ARMC2: variants seen among roughly 807,000 people sequenced by gnomAD.
ARMC2 encodes armadillo repeat containing 2.
ARMC2 carries 67 observed loss-of-function variants against 90.3 expected under a neutral mutation model. The ratio of observed to expected loss-of-function variants is 0.74; its 90% CI spans 0.61 to 0.91. The LOEUF is 0.91. ARMC2 is among the 40% of genes least tolerant of loss of function. ARMC2 has a pLI of 0.00. For synonymous variants in ARMC2, 393 were observed against 393.0 expected, an observed-to-expected ratio of 1.00 and a Z score of 0.00; for missense variants, 920 against 1,030.9, an observed-to-expected ratio of 0.89 and a Z score of 1.47.
intron 12 of ARMC2, among the ~76,000 whole-genome samples, chr6:108,943,294 A>G (rs1477516296): frequency 6.6e-6 from 1 of 152,192 alleles, no homozygotes; most frequent in Non-Finnish European, 1.5e-5. Context: ...AATCAAGTCC[A>G]TCGACAGGAG....
At chr6:108,856,459 C>G (rs1402678752) in intron 2 of ARMC2, 1 of 211,988 alleles carries the variant, frequency 4.7e-6, no homozygotes. Context: ...CCCTCTCTGT[C>G]AGTTTTACAG....
the ARMC2 span, among the ~76,000 whole-genome samples, chr6:108,984,941 C>A: frequency 6.6e-6 from 1 of 152,114 alleles, no homozygotes; most frequent in Non-Finnish European, 1.5e-5. Context: ...GATATTCTGG[C>A]CCATATATTG....
intron 10 of ARMC2, among the ~76,000 whole-genome samples, chr6:108,921,827 G>C (rs1562391641): frequency 6.6e-6 from 1 of 152,242 alleles, no homozygotes; most frequent in Non-Finnish European, 1.5e-5. Flanking sequence ...CAATTTTGCA[G>C]TTGGCAGTTA....
At chr6:108,912,000 T>C (rs1773485915) in intron 9 of ARMC2, among the ~76,000 whole-genome samples, 1 of 152,166 alleles carries the variant, frequency 6.6e-6, no homozygotes, top group African/African-American at 2.4e-5. Flanking sequence ...TTAGATGTGT[T>C]AAATTATTAG....
the ARMC2 span, among the ~76,000 whole-genome samples, chr6:108,999,404 TA>T: frequency 6.6e-6 from 1 of 152,188 alleles, no homozygotes; most frequent in Non-Finnish European, 1.5e-5. Context: ...TAATAGTATC[TA>T]TTCTATGAAA....
At chr6:109,039,800 A>G in the ARMC2 span, among the ~76,000 whole-genome samples, 3 of 152,186 alleles carry the variant, frequency 2.0e-5, no homozygotes, top group Non-Finnish European at 4.4e-5. Flanking sequence ...TGATCTTTCT[A>G]TTGTCTTAAC....
intron 10 of ARMC2, among the ~76,000 whole-genome samples, chr6:108,919,300 A>AT (rs1188502807): frequency 6.6e-6 from 1 of 152,234 alleles, no homozygotes; most frequent in Non-Finnish European, 1.5e-5. Flanking sequence ...TGTTTAGATA[A>AT]TTATAAGTAT....
At chr6:109,044,086 A>C in the ARMC2 span, among the ~76,000 whole-genome samples, 1 of 151,924 alleles carries the variant, frequency 6.6e-6, no homozygotes, top group Admixed American at 6.6e-5. Context: ...AGGCCAAGGC[A>C]AGAGGATTGC....
intron 5 of ARMC2, among the ~76,000 whole-genome samples, chr6:108,881,296 C>CCCTT (rs148587003): frequency 1.2e-4 from 9 of 78,236 alleles, no homozygotes; most frequent in Admixed American, 7.4e-4. Flanking sequence ...CCCTCCCCTC[C>CCCTT]CCTTCCTTCC....
chr6:108,951,208 CCTTTGCCGTTTTAGT>C (rs374135923), intron 12 of ARMC2, among the ~76,000 whole-genome samples: 2 of 152,334 alleles, frequency 1.3e-5, no homozygotes, highest in South Asian at 2.1e-4. Flanking sequence ...CTCGCTTCTT[CCTTTGCCGTTTTAGT>C]CTTTGCCGTT....
At chr6:108,934,152 C>G (rs1490529059) in intron 11 of ARMC2, among the ~76,000 whole-genome samples, 1 of 152,180 alleles carries the variant, frequency 6.6e-6, no homozygotes, top group Non-Finnish European at 1.5e-5. Context: ...TGAGCCACCT[C>G]GCCTGGCATC....
the ARMC2 span, among the ~76,000 whole-genome samples, chr6:109,006,049 G>C: frequency 2.0e-5 from 3 of 152,078 alleles, no homozygotes; most frequent in African/African-American, 7.2e-5. Flanking sequence ...AAAGCAACTA[G>C]GGCTCATGAT....
chr6:108,978,579 A>G (rs937745255), downstream of ARMC2, among the ~76,000 whole-genome samples: 2 of 152,184 alleles, frequency 1.3e-5, no homozygotes, highest in Admixed American at 6.5e-5. Context: ...TGATCTTTCT[A>G]ATACTGAAAG....
At chr6:108,993,116 T>G in the ARMC2 span, 1 of 457,394 alleles carries the variant, frequency 2.2e-6, no homozygotes, top group Non-Finnish European at 3.8e-6. Flanking sequence ...ATAGTTGAAT[T>G]CTCTATGCCT....
chr6:108,913,640 T>C (rs1348273730), intron 10 of ARMC2, among the ~76,000 whole-genome samples: 5 of 152,220 alleles, frequency 3.3e-5, no homozygotes, highest in African/African-American at 4.8e-5. Flanking sequence ...TCACCTGCAA[T>C]TTTTTCACCC....
the ARMC2 span, among the ~76,000 whole-genome samples, chr6:108,984,927 C>CAAAG: frequency 1.3e-5 from 2 of 152,110 alleles, no homozygotes; most frequent in Non-Finnish European, 2.9e-5. Context: ...AGAGTTCTCA[C>CAAAG]AAAGATATTC....
chr6:108,990,774 T>A, the ARMC2 span: 1 of 1,614,114 alleles, frequency 6.2e-7, no homozygotes, highest in Non-Finnish European at 8.5e-7. Context: ...ATCAATCAAC[T>A]GTCCCACATC....
the ARMC2 span, chr6:108,992,912 G>A: frequency 1.1e-4 from 170 of 1,550,248 alleles, no homozygotes; most frequent in African/African-American, 2.0e-3. Flanking sequence ...GGGAAAAAAG[G>A]CCATTGAAAG....
chr6:108,851,817 T>C (rs1311781779), intron 1 of ARMC2, among the ~76,000 whole-genome samples: 1 of 152,126 alleles, frequency 6.6e-6, no homozygotes, highest in Non-Finnish European at 1.5e-5. Flanking sequence ...CCTTGCAAAA[T>C]TGTTGTGGGG....
Sources: allele counts gnomAD v4.1 joint callset (sites outside exome capture counted in the v4.1 genomes callset), GRCh38; gene constraint gnomAD v4.1.1; transcripts MANE v1.5; gene names NCBI Gene and HGNC (gene_info 2026-07-23, HGNC 2026-07-21).